Variants in PSMC2 observed in about 807,000 individuals in gnomAD.
The protein encoded by PSMC2 is 26S proteasome regulatory subunit 7.
A neutral mutation model predicts 53.3 loss-of-function variants in PSMC2; 7 were observed. The ratio of observed to expected loss-of-function variants is 0.13; its 90% CI spans 0.07 to 0.25. The LOEUF is 0.25. PSMC2 is among the 10% of genes least tolerant of loss of function. PSMC2 has a pLI of 1.00. For missense variants in PSMC2, 241 were observed against 544.0 expected (o/e 0.44, Z 5.54); for synonymous variants, 169 against 183.9 (o/e 0.92, Z 0.66).
Position 103,368,069 on chromosome 7 carries a change from C to G in PSMC2, c.*15C>G. ...CATACAACTGAACCCTGAAGGCTTT[C>G]AAGTGAAAACTTTAAATTGGAATCC... is the stretch of plus-strand genomic sequence containing the variant. On this transcript the variant is annotated 3_prime_UTR_variant, in exon 12 of 12. Coordinates refer to ENST00000292644, the MANE Select transcript of PSMC2 (RefSeq NM_002803.4). The G allele has an allele frequency of 1.9e-6, 3 of 1,584,062 alleles. No homozygotes were observed. Among genetic ancestry groups the G allele is most frequent in the Non-Finnish European group, 2.6e-6 (3 of 1,164,012 alleles).
chr7:103,363,136 C>G (rs1359290004), intron 6 of PSMC2, among the ~76,000 whole-genome samples: 1 of 152,088 alleles, frequency 6.6e-6, no homozygotes. Flanking sequence ...CTCAGCCTGT[C>G]TTTATTTTAC....
At chr7:103,361,879 C>G (rs1260327400) in intron 4 of PSMC2, 78 bp from the exon 5 acceptor site, 1 of 1,402,698 alleles carries the variant, frequency 7.1e-7, no homozygotes, top group East Asian at 2.3e-5. Flanking sequence ...ATTGCACACT[C>G]AGGATATAAT....
At chr7:103,352,349 A>AGTACT (rs1423597565) in intron 1 of PSMC2, among the ~76,000 whole-genome samples, 1 of 148,724 alleles carries the variant, frequency 6.7e-6, no homozygotes, top group African/African-American at 2.5e-5. Flanking sequence ...TCAGTTGGGA[A>AGTACT]GTACTGAACA....
At chr7:103,361,370 C>T (rs1489497462) in intron 4 of PSMC2, among the ~76,000 whole-genome samples, 1 of 149,332 alleles carries the variant, frequency 6.7e-6, no homozygotes. Context: ...ATTAGCTAGG[C>T]ATGGTGGTGC....
Position 103,347,707 on chromosome 7 carries a change from C to G in PSMC2, c.-5C>G. 6.2e-7 allele frequency: 1 copy of G among 1,613,916 alleles called. No individual in the cohort carries two copies. Among genetic ancestry groups the G allele is most frequent in the Non-Finnish European group, 8.5e-7 (1 of 1,179,874 alleles). ...TAAGGAGCGGAGGCTTTTGGAGCTG[C>G]TAAAATGCCGGATTACCTCGGTGCC... On this transcript the variant is annotated 5_prime_UTR_variant, in exon 1 of 12. Coordinates refer to ENST00000292644, the MANE Select transcript of PSMC2 (RefSeq NM_002803.4).
intron 4 of PSMC2, 32 bp from the exon 5 acceptor site, chr7:103,361,925 C>G (rs766525089): frequency 6.3e-7 from 1 of 1,586,970 alleles, no homozygotes; most frequent in African/African-American, 1.4e-5. Flanking sequence ...GGCTTAGGTT[C>G]CTTATTCTAA....
rs1042543831 is a variant in PSMC2, at chr7:103,369,140, T to C, written c.*1086T>C. 5.9e-5 allele frequency: 9 copies of C among 152,226 alleles called. No individual in the cohort carries two copies. Among genetic ancestry groups the C allele is most frequent in the African/African-American group, 2.2e-4 (9 of 41,468 alleles). The allele number at this position is 152,226 out of a possible 1,614,324, so 9.4% of individuals were successfully genotyped here. A position where few individuals can be genotyped will look rare whatever the true frequency, so the allele number is the denominator to read the frequency against. On this transcript the variant is annotated 3_prime_UTR_variant, in exon 12 of 12. Coordinates refer to ENST00000292644, the MANE Select transcript of PSMC2 (RefSeq NM_002803.4). ...TAGAAAATGCTGCTTTGCACTGAAA[T>C]ACTTAAAATTATGAAAGTTTTCAAG...
chr7:103,355,940 AT>A, intron 4 of PSMC2, 147 bp downstream of exon 4: 1 of 539,758 alleles, frequency 1.9e-6, no homozygotes, highest in Non-Finnish European at 3.2e-6. Flanking sequence ...TGGGGTTAAA[AT>A]TTTATGCCTT....
intron 7 of PSMC2, among the ~76,000 whole-genome samples, 198 bp from the exon 8 acceptor site, chr7:103,363,945 A>G (rs1270846815): frequency 6.6e-6 from 1 of 152,268 alleles, no homozygotes; most frequent in East Asian, 1.9e-4. Context: ...AGTCCAGTTT[A>G]GAACTTATGT....
At chr7:103,354,431 C>T (rs1223859548) in intron 2 of PSMC2, among the ~76,000 whole-genome samples, 1 of 147,304 alleles carries the variant, frequency 6.8e-6, no homozygotes, top group African/African-American at 2.5e-5. Context: ...TGCAATGGCG[C>T]GATCTTGGTT....
chr7:103,364,550 T>C (rs1192299877), intron 8 of PSMC2, among the ~76,000 whole-genome samples: 1 of 152,082 alleles, frequency 6.6e-6, no homozygotes, highest in African/African-American at 2.4e-5. Flanking sequence ...GCTGAGACCA[T>C]GGCTACATGC....
chr7:103,359,138 C>CTTTTTTTTTTTTTTTTTTT (rs35936603), intron 4 of PSMC2, among the ~76,000 whole-genome samples: 1 of 31,332 alleles, frequency 3.2e-5, no homozygotes, highest in Non-Finnish European at 5.7e-5. Context: ...CCATGTCTGG[C>CTTTTTTTTTTTTTTTTTTT]TTTTTTTTTT....
Position 103,368,659 on chromosome 7 carries a change from TAATC to T in PSMC2, c.*607_*610del, listed in dbSNP as rs1820851024. 1.3e-5 allele frequency: 2 copies of T among 152,150 alleles called. No individual in the cohort carries two copies. Among genetic ancestry groups the T allele is most frequent in the Admixed American group, 1.3e-4 (2 of 15,282 alleles). The allele number at this position is 152,150 out of a possible 1,614,324, so 9.4% of individuals were successfully genotyped here. ...TTTGCATTGCCATTTGATTTCAAAT[TAATC>T]AGGAAGAATTAGTGATTTTAATGAG... On this transcript the variant is annotated 3_prime_UTR_variant, in exon 12 of 12. Coordinates refer to ENST00000292644, the MANE Select transcript of PSMC2 (RefSeq NM_002803.4).
intron 4 of PSMC2, among the ~76,000 whole-genome samples, chr7:103,357,885 A>T (rs1460468103): frequency 6.6e-6 from 1 of 151,728 alleles, no homozygotes; most frequent in Non-Finnish European, 1.5e-5. Context: ...TCTCAGTTAT[A>T]CCTTAGTTGC....
At chr7:103,353,010 A>T (rs957799831) in intron 1 of PSMC2, 11 of 777,678 alleles carry the variant, frequency 1.4e-5, no homozygotes, top group Non-Finnish European at 2.6e-5. Flanking sequence ...TGACCATGAA[A>T]GCACATGAGT....
At chr7:103,358,832 A>T (rs1484725446) in intron 4 of PSMC2, among the ~76,000 whole-genome samples, 1 of 152,192 alleles carries the variant, frequency 6.6e-6, no homozygotes, top group African/African-American at 2.4e-5. Context: ...TTTTCATAAC[A>T]GACAGACTAG....
chr7:103,365,999 G>C, intron 8 of PSMC2, 77 bp from the exon 9 acceptor site: 3 of 1,180,266 alleles, frequency 2.5e-6, no homozygotes, highest in Non-Finnish European at 3.7e-6. Context: ...ATATTGAAAA[G>C]TTTGAAGCAT....
chr7:103,367,697 A>G lies in PSMC2; in HGVS notation c.1048-16A>G, dbSNP rs1490783071. The G allele has an allele frequency of 5.0e-6, 8 of 1,608,590 alleles. No homozygotes were observed. Among genetic ancestry groups the G allele is most frequent in the Non-Finnish European group, 5.9e-6 (7 of 1,178,152 alleles). ...TTTTTTTCCATTTTAATATTTGTCA[A>G]TTTTCTCATTTTTAGGGTCGGACCC... On this transcript the variant is annotated splice_polypyrimidine_tract_variant and intron_variant, in intron 10 of 11. Coordinates refer to ENST00000292644, the MANE Select transcript of PSMC2 (RefSeq NM_002803.4). The surrounding 1 kb of genome is among the most constrained non-coding windows in gnomAD (Gnocchi z 6.1).
chr7:103,357,889 T>C (rs1001095756), intron 4 of PSMC2, among the ~76,000 whole-genome samples: 4 of 152,232 alleles, frequency 2.6e-5, no homozygotes, highest in Non-Finnish European at 5.9e-5. Flanking sequence ...AGTTATACCT[T>C]AGTTGCATCT....
Sources: gnomAD v4.1 joint callset for allele counts (sites outside exome capture counted in the v4.1 genomes callset) on GRCh38, gnomAD v4.1.1 for gene constraint, Gnocchi (gnomAD v3.1) non-coding constraint, MANE v1.5 for transcripts, NCBI Gene and HGNC (gene_info 2026-07-23, HGNC 2026-07-21) for gene names.